Variants in CBFA2T3 observed in about 807,000 individuals in gnomAD.
CBFA2T3 encodes the protein transcriptional corepressor CBFA2T3.
CBFA2T3 carries 31 observed loss-of-function variants against 58.6 expected under a neutral mutation model. That is an observed-to-expected ratio of 0.53 (90% CI 0.40 to 0.71). CBFA2T3 has a LOEUF of 0.71. Ranked by LOEUF, CBFA2T3 falls within the 30% of genes least tolerant of loss-of-function variation. The pLI is 0.00. For missense variants in CBFA2T3, 1,076 were observed against 963.1 expected, an observed-to-expected ratio of 1.12 and a Z score of -1.55; for synonymous variants, 531 against 421.9, an observed-to-expected ratio of 1.26 and a Z score of -3.17.
rs534509552 is a variant in CBFA2T3, at chr16:88,961,205, C to G, written c.151+15452G>C. Among the ~76,000 whole-genome samples, 3 of 152,256 alleles carry G rather than the reference C, an allele frequency of 2.0e-5. No individual in the cohort carries two copies. In the East Asian group the frequency reaches 5.8e-4, roughly 29 times the overall value. On this transcript the variant is annotated intron_variant, in intron 1 of 11. Coordinates refer to ENST00000268679, the MANE Select transcript of CBFA2T3 (RefSeq NM_005187.6). ...TGTAAAGAAGGGGGCCTGTGGATGC[C>G]GCCAGAGCCCGTGAGAGGTGGTTCC...
intron 1 of CBFA2T3, among the ~76,000 whole-genome samples, chr16:88,935,816 C>T (rs563437532): frequency 8.5e-5 from 13 of 152,370 alleles, no homozygotes; most frequent in Non-Finnish European, 1.6e-4. Context: ...CCAGTCCAGA[C>T]ACACACATCC....
chr16:88,924,201 G>C (rs1359076148), intron 1 of CBFA2T3, among the ~76,000 whole-genome samples: 2 of 152,208 alleles, frequency 1.3e-5, no homozygotes, highest in African/African-American at 4.8e-5. Context: ...GCTGGGCTGA[G>C]TCCCAGTGAG....
At chr16:88,904,302 A>T (rs1162507008) in intron 1 of CBFA2T3, among the ~76,000 whole-genome samples, 1 of 151,974 alleles carries the variant, frequency 6.6e-6, no homozygotes, top group Non-Finnish European at 1.5e-5. Flanking sequence ...GCAGATATCG[A>T]CGACTCATTG....
chr16:88,882,279 T>C (rs1489451728), intron 8 of CBFA2T3, among the ~76,000 whole-genome samples: 4 of 152,210 alleles, frequency 2.6e-5, no homozygotes, highest in Admixed American at 6.5e-5. Context: ...TGTTTATGCA[T>C]AGGCATACAG....
At chr16:88,889,458 C>A (rs1471357322) in intron 5 of CBFA2T3, among the ~76,000 whole-genome samples, 1 of 151,588 alleles carries the variant, frequency 6.6e-6, no homozygotes, top group African/African-American at 2.4e-5. Context: ...GTGGGGTCCC[C>A]TTGGGGAGGG....
intron 1 of CBFA2T3, among the ~76,000 whole-genome samples, chr16:88,910,433 G>A (rs980136606): frequency 2.0e-5 from 3 of 152,180 alleles, no homozygotes; most frequent in East Asian, 1.9e-4. Context: ...CAACAGTGCC[G>A]GCCACACTGC....
intron 1 of CBFA2T3, chr16:88,941,191 G>A: frequency 1.0e-6 from 1 of 981,828 alleles, no homozygotes; most frequent in Non-Finnish European, 1.2e-6. Flanking sequence ...GGGGCGCGCG[G>A]GGCGGCCGCC....
At chr16:88,895,681 A>G (rs1285675349) in intron 3 of CBFA2T3, among the ~76,000 whole-genome samples, 1 of 152,112 alleles carries the variant, frequency 6.6e-6, no homozygotes, top group East Asian at 1.9e-4. Flanking sequence ...CTCTCACTCC[A>G]GCCTGGGCCT....
chr16:88,968,641 G>C (rs1353326839), intron 1 of CBFA2T3, among the ~76,000 whole-genome samples: 1 of 152,230 alleles, frequency 6.6e-6, no homozygotes, highest in East Asian at 1.9e-4. Flanking sequence ...TGAGACGGCT[G>C]TCCGTCCCCC....
chr16:88,895,215 T>C (rs1969836731), intron 3 of CBFA2T3, among the ~76,000 whole-genome samples: 1 of 152,194 alleles, frequency 6.6e-6, no homozygotes, highest in African/African-American at 2.4e-5. Context: ...GACCAGCCCG[T>C]ACCTCCAACA....
Position 88,885,872 on chromosome 16 carries a change from G to A in CBFA2T3, c.893+89C>T. The stretch of plus-strand genomic sequence containing the variant: ...GCCGGCCGGGCTGGCTGCAGCCCCA[G>A]AGGAGGTTCCCTCTCTTACCCAGAG... On this transcript the variant is annotated intron_variant, in intron 6 of 11. Coordinates refer to ENST00000268679, the MANE Select transcript of CBFA2T3 (RefSeq NM_005187.6). The surrounding 1 kb of genome is among the most constrained non-coding windows in gnomAD (Gnocchi z 5.3). 2.5e-6 allele frequency: 3 copies of A among 1,212,436 alleles called. No individual in the cohort carries two copies. Among genetic ancestry groups the A allele is most frequent in the Non-Finnish European group, 3.5e-6 (3 of 865,464 alleles). The allele number at this position is 1,212,436 out of a possible 1,614,324, so 75.1% of individuals were successfully genotyped here. A position where few individuals can be genotyped will look rare whatever the true frequency, so the allele number is the denominator to read the frequency against.
intron 1 of CBFA2T3, among the ~76,000 whole-genome samples, chr16:88,925,101 C>T (rs1971043587): frequency 6.6e-6 from 1 of 152,250 alleles, no homozygotes; most frequent in Non-Finnish European, 1.5e-5. Context: ...AATCACACAG[C>T]AACGGCCTCG....
chr16:88,967,829 GC>G (rs969431594), intron 1 of CBFA2T3, among the ~76,000 whole-genome samples: 4 of 152,182 alleles, frequency 2.6e-5, no homozygotes, highest in African/African-American at 7.2e-5. Flanking sequence ...AACTCAGGAC[GC>G]CCCCTGCCCC....
chr16:88,908,531 G>A (rs746955334), intron 1 of CBFA2T3, among the ~76,000 whole-genome samples: 3 of 152,140 alleles, frequency 2.0e-5, no homozygotes, highest in South Asian at 2.1e-4. Context: ...GCAATGTGCC[G>A]GGGCCGCTCA....
At chr16:88,882,920 G>A (rs1343609104) in intron 7 of CBFA2T3, among the ~76,000 whole-genome samples, 159 bp from the exon 8 acceptor site, 1 of 152,256 alleles carries the variant, frequency 6.6e-6, no homozygotes, top group African/African-American at 2.4e-5. Context: ...GGTGACCGTG[G>A]AGGATGCCTG....
intron 1 of CBFA2T3, among the ~76,000 whole-genome samples, chr16:88,920,484 C>T (rs1325911997): frequency 6.6e-6 from 1 of 151,136 alleles, no homozygotes; most frequent in Non-Finnish European, 1.5e-5. Context: ...TGGGTTTCAC[C>T]ATGTTGGCCA....
At chr16:88,905,511 G>GC (rs1027929382) in intron 1 of CBFA2T3, among the ~76,000 whole-genome samples, 2 of 151,652 alleles carry the variant, frequency 1.3e-5, no homozygotes, top group Non-Finnish European at 2.9e-5. Context: ...GCTTGACTGG[G>GC]CCCCCCAGGA....
chr16:88,975,223 A>AGAGGTCCAC (rs1555546856), intron 1 of CBFA2T3, among the ~76,000 whole-genome samples: 43 of 126,778 alleles, frequency 3.4e-4, no homozygotes, highest in Middle Eastern at 4.3e-3. Context: ...TCTGCTCCTC[A>AGAGGTCCAC]CCTGCAGCCA....
At chr16:88,942,237 G>A (rs995197872) in intron 1 of CBFA2T3, among the ~76,000 whole-genome samples, 9 of 152,068 alleles carry the variant, frequency 5.9e-5, no homozygotes, top group Admixed American at 3.9e-4. Context: ...TGGCGCATTT[G>A]CCTGCTTAGT....
Sources: gnomAD v4.1 joint callset for allele counts (sites outside exome capture counted in the v4.1 genomes callset) on GRCh38, gnomAD v4.1.1 for gene constraint, Gnocchi (gnomAD v3.1) non-coding constraint, MANE v1.5 for transcripts, NCBI Gene and HGNC (gene_info 2026-07-23, HGNC 2026-07-21) for gene names.